CAMTA1: variants seen among roughly 807,000 people sequenced by gnomAD.
The protein encoded by CAMTA1 is calmodulin binding transcription activator 1.
In CAMTA1, 27 loss-of-function variants were observed where a neutral mutation model predicts 170.9. The ratio of observed to expected loss-of-function variants is 0.16; its 90% CI spans 0.12 to 0.22. The LOEUF (loss-of-function observed/expected upper bound fraction) is 0.22, where lower values mean the gene tolerates loss of function less well. CAMTA1 is among the 10% of genes least tolerant of loss of function. The probability of loss-of-function intolerance (pLI) is 1.00; values close to 1 mark genes in which losing one functional copy is unlikely to be tolerated. For missense variants in CAMTA1, 1,619 were observed against 2,217.2 expected (o/e 0.73, Z 5.42); for synonymous variants, 833 against 891.5 (o/e 0.93, Z 1.17).
chr1:7,226,840 A>ATTTT (rs1331246029), intron 4 of CAMTA1, among the ~76,000 whole-genome samples: 1 of 148,782 alleles, frequency 6.7e-6, no homozygotes, highest in Non-Finnish European at 1.5e-5. Context: ...TTTATTTTTT[A>ATTTT]TTTTTTTTTT....
intron 3 of CAMTA1, among the ~76,000 whole-genome samples, chr1:6,975,303 G>GT (rs1222141926): frequency 2.6e-5 from 4 of 152,178 alleles, no homozygotes; most frequent in African/African-American, 4.8e-5. Context: ...GAAAATTTCG[G>GT]TAAAAATTAA....
intron 6 of CAMTA1, among the ~76,000 whole-genome samples, chr1:7,638,946 GCTGA>G (rs1248416385): frequency 6.6e-6 from 1 of 152,226 alleles, no homozygotes; most frequent in East Asian, 1.9e-4. Context: ...ATGAGAAGGC[GCTGA>G]CTGTTAAATG....
intron 4 of CAMTA1, among the ~76,000 whole-genome samples, chr1:7,194,898 A>G (rs552389165): frequency 1.3e-5 from 2 of 152,326 alleles, no homozygotes; most frequent in African/African-American, 4.8e-5. Context: ...TCCTTTGTCA[A>G]TTTGAAGAGC....
intron 3 of CAMTA1, among the ~76,000 whole-genome samples, chr1:6,864,115 A>G (rs919315300): frequency 6.6e-6 from 1 of 152,200 alleles, no homozygotes; most frequent in Non-Finnish European, 1.5e-5. Flanking sequence ...ACTACTGATG[A>G]TATTAACCTT....
chr1:7,707,035 C>G (rs182090119), intron 11 of CAMTA1, among the ~76,000 whole-genome samples: 1 of 151,804 alleles, frequency 6.6e-6, no homozygotes, highest in African/African-American at 2.4e-5. Flanking sequence ...TACAGGTGCG[C>G]GCCACCATGC....
intron 4 of CAMTA1, among the ~76,000 whole-genome samples, chr1:7,192,405 T>C (rs1654705608): frequency 6.6e-6 from 1 of 152,222 alleles, no homozygotes; most frequent in South Asian, 2.1e-4. Flanking sequence ...GGAGGGAACA[T>C]GTCAGTACTT....
At chr1:7,427,700 T>G (rs2091934424) in intron 5 of CAMTA1, among the ~76,000 whole-genome samples, 1 of 152,178 alleles carries the variant, frequency 6.6e-6, no homozygotes, top group Non-Finnish European at 1.5e-5. Context: ...AATGTCAATT[T>G]GAGAAAGCTC....
chr1:7,535,357 G>T (rs1004638882), intron 6 of CAMTA1, among the ~76,000 whole-genome samples: 1 of 152,202 alleles, frequency 6.6e-6, no homozygotes, highest in Non-Finnish European at 1.5e-5. Context: ...TCCACCCCCA[G>T]GTCTTTTCCT....
At chr1:7,103,663 A>G (rs576606144) in intron 4 of CAMTA1, among the ~76,000 whole-genome samples, 1 of 149,900 alleles carries the variant, frequency 6.7e-6, no homozygotes, top group East Asian at 2.0e-4. Flanking sequence ...ACACATGTAC[A>G]CGCAACTACA....
intron 5 of CAMTA1, among the ~76,000 whole-genome samples, chr1:7,378,872 G>A (rs1378901550): frequency 2.6e-5 from 4 of 152,188 alleles, no homozygotes; most frequent in Admixed American, 6.5e-5. Flanking sequence ...GGACCCAGGG[G>A]CCAGGGCTTC....
chr1:7,172,786 G>T (rs913277097), intron 4 of CAMTA1, among the ~76,000 whole-genome samples: 1 of 152,202 alleles, frequency 6.6e-6, no homozygotes, highest in Non-Finnish European at 1.5e-5. Context: ...GACCATGCCC[G>T]TGATGGCTGG....
rs149151321 is a variant in CAMTA1, at chr1:7,233,702, C to T, written c.303-15789C>T. Reference sequence around the variant, plus strand: ...TTCCCTGCTTCAAAACCTCCAGTTGCTTCCATGGCCTCGAGAGCAATGTTC... The same window carrying T: ...TTCCCTGCTTCAAAACCTCCAGTTGTTTCCATGGCCTCGAGAGCAATGTTC... On this transcript the variant is annotated intron_variant, in intron 4 of 22. Transcript: ENST00000303635. 3.0e-4 allele frequency among the ~76,000 whole-genome samples: 45 copies of T among 152,254 alleles called. 1 individual carries two copies. In the East Asian group the frequency reaches 7.9e-3, roughly 27 times the overall value.
At chr1:7,109,912 C>T (rs565417413) in intron 4 of CAMTA1, among the ~76,000 whole-genome samples, 13 of 152,172 alleles carry the variant, frequency 8.5e-5, no homozygotes, top group Non-Finnish European at 1.8e-4. Flanking sequence ...TTAGCTTGAC[C>T]TGATGGGGTG....
intron 4 of CAMTA1, among the ~76,000 whole-genome samples, chr1:7,181,626 A>C (rs550811918): frequency 6.6e-6 from 1 of 152,334 alleles, no homozygotes; most frequent in African/African-American, 2.4e-5. Flanking sequence ...CAATAGCAAC[A>C]AAGAAGATAC....
chr1:7,340,673 C>A (rs1242989068), intron 5 of CAMTA1, among the ~76,000 whole-genome samples: 1 of 151,574 alleles, frequency 6.6e-6, no homozygotes, highest in African/African-American at 2.4e-5. Context: ...TTCATGCATT[C>A]TTTGCTTCTT....
chr1:6,821,462 A>G (rs544946831), intron 2 of CAMTA1, among the ~76,000 whole-genome samples: 1 of 152,334 alleles, frequency 6.6e-6, no homozygotes, highest in African/African-American at 2.4e-5. Context: ...AGAGCTAAAC[A>G]GAAAATTGTA....
At position 7,642,232 on chromosome 1, in the gene CAMTA1, C is replaced by T. The variant is rs193227201; in HGVS notation, c.664+1679C>T. ...GCCTCTTCAAAATGCTGCCGAGCAC[C>T]GGGAAGCATGGGGAAATGGCACAGC... is the stretch of plus-strand genomic sequence containing the variant. On this transcript the variant is annotated intron_variant, in intron 7 of 22. Coordinates refer to ENST00000303635, the MANE Select transcript of CAMTA1 (RefSeq NM_015215.4). The surrounding 1 kb of genome is among the most constrained non-coding windows in gnomAD (Gnocchi z 6.3). Among the ~76,000 whole-genome samples the T allele has an allele frequency of 5.3e-4, 80 of 152,324 alleles. No homozygotes were observed. The highest frequency in any genetic ancestry group is 9.8e-4 in the Admixed American group (15 of 15,300).
At chr1:7,227,580 C>T (rs1020169254) in intron 4 of CAMTA1, among the ~76,000 whole-genome samples, 6 of 152,212 alleles carry the variant, frequency 3.9e-5, no homozygotes, top group Non-Finnish European at 7.3e-5. Flanking sequence ...CCACCTGCCT[C>T]AGCCTCCCAA....
At chr1:7,053,718 T>C (rs1706840389) in intron 3 of CAMTA1, among the ~76,000 whole-genome samples, 1 of 152,186 alleles carries the variant, frequency 6.6e-6, no homozygotes, top group South Asian at 2.1e-4. Flanking sequence ...GCAATGCCCT[T>C]CCCCAGGTAT....
Sources: gnomAD v4.1 joint callset for allele counts (sites outside exome capture counted in the v4.1 genomes callset) on GRCh38, gnomAD v4.1.1 for gene constraint, Gnocchi (gnomAD v3.1) non-coding constraint, MANE v1.5 for transcripts, NCBI Gene and HGNC (gene_info 2026-07-23, HGNC 2026-07-21) for gene names.